The following EXOC6B variants were observed in gnomAD, a reference collection of about 807,000 sequenced individuals.
EXOC6B encodes the protein SEC15 homolog B.
EXOC6B carries 54 observed loss-of-function variants against 113.5 expected under a neutral mutation model. That is an observed-to-expected ratio of 0.48 (90% CI 0.38 to 0.60). The LOEUF is 0.60. EXOC6B is among the 20% of genes least tolerant of loss of function. The pLI is 0.00. For synonymous variants in EXOC6B, 357 were observed against 339.0 expected (o/e 1.05, Z -0.58); for missense variants, 797 against 977.5 (o/e 0.82, Z 2.46).
At chr2:72,599,299 C>A (rs1406386243) in intron 6 of EXOC6B, among the ~76,000 whole-genome samples, 5 of 151,758 alleles carry the variant, frequency 3.3e-5, no homozygotes, top group African/African-American at 9.7e-5. Flanking sequence ...TTAAAAAAGA[C>A]AAAAAAGATC....
intron 5 of EXOC6B, among the ~76,000 whole-genome samples, chr2:72,719,018 G>C (rs895284390): frequency 1.3e-5 from 2 of 152,134 alleles, no homozygotes; most frequent in African/African-American, 4.8e-5. Context: ...ACTATTTCAG[G>C]GTTCTGGAAA....
intron 20 of EXOC6B, among the ~76,000 whole-genome samples, chr2:72,230,091 GA>G (rs532016035): frequency 1.3e-5 from 2 of 150,104 alleles, no homozygotes; most frequent in Middle Eastern, 3.4e-3. Context: ...GTCTCTGTGG[GA>G]AAAAAAAAGG....
chr2:72,420,634 C>G (rs145401984), intron 18 of EXOC6B, among the ~76,000 whole-genome samples: 17 of 152,266 alleles, frequency 1.1e-4, no homozygotes, highest in African/African-American at 4.1e-4. Flanking sequence ...ATCAATCTAT[C>G]ATTGATGGAC....
At chr2:72,480,841 A>G (rs150238124) in intron 16 of EXOC6B, 91 bp from the exon 17 acceptor site, 3 of 1,307,832 alleles carry the variant, frequency 2.3e-6, no homozygotes, top group African/African-American at 3.0e-5. Flanking sequence ...AAACAAATGT[A>G]AGGCATAATG....
intron 2 of EXOC6B, among the ~76,000 whole-genome samples, chr2:72,734,156 A>C (rs1680812348): frequency 2.0e-5 from 3 of 152,242 alleles, no homozygotes; most frequent in African/African-American, 7.2e-5. Flanking sequence ...GTTTTTTAAA[A>C]GAATACACTT....
intron 20 of EXOC6B, among the ~76,000 whole-genome samples, chr2:72,204,041 G>A (rs1679668302): frequency 6.6e-6 from 1 of 151,590 alleles, no homozygotes. Context: ...GCTGTCTTCT[G>A]CTTTCTCTGG....
chr2:72,306,549 T>A (rs1353657116), intron 20 of EXOC6B, among the ~76,000 whole-genome samples: 1 of 152,236 alleles, frequency 6.6e-6, no homozygotes, highest in Non-Finnish European at 1.5e-5. Context: ...TTTGTAATGT[T>A]TCTCATATTT....
At chr2:72,758,032 G>A (rs528046323) in intron 1 of EXOC6B, among the ~76,000 whole-genome samples, 8 of 151,910 alleles carry the variant, frequency 5.3e-5, no homozygotes, top group Non-Finnish European at 1.0e-4. Flanking sequence ...GCATGGTGGT[G>A]TGTGCCTGTG....
chr2:72,552,308 C>G (rs1385875281), intron 8 of EXOC6B, among the ~76,000 whole-genome samples: 1 of 152,156 alleles, frequency 6.6e-6, no homozygotes, highest in African/African-American at 2.4e-5. Flanking sequence ...CAACTGTGAA[C>G]TCCCTTATCC....
chr2:72,436,033 T>TA (rs1458167043), intron 18 of EXOC6B, among the ~76,000 whole-genome samples: 1 of 152,252 alleles, frequency 6.6e-6, no homozygotes, highest in Non-Finnish European at 1.5e-5. Context: ...CAGTGGCTGA[T>TA]ACCGCTTTTT....
intron 6 of EXOC6B, among the ~76,000 whole-genome samples, chr2:72,576,040 C>A (rs1383985324): frequency 6.6e-6 from 1 of 152,060 alleles, no homozygotes; most frequent in African/African-American, 2.4e-5. Flanking sequence ...GAGATTAGTG[C>A]AAACGCCTAG....
At chr2:72,494,743 A>T (rs190119702) in intron 15 of EXOC6B, among the ~76,000 whole-genome samples, 61 of 152,158 alleles carry the variant, frequency 4.0e-4, no homozygotes, top group African/African-American at 1.4e-3. Context: ...TTAATTGTTC[A>T]GCTTCTTAAT....
At chr2:72,612,102 C>T (rs1013988641) in intron 6 of EXOC6B, among the ~76,000 whole-genome samples, 1 of 151,888 alleles carries the variant, frequency 6.6e-6, no homozygotes, top group Non-Finnish European at 1.5e-5. Flanking sequence ...ATGGCAAAAA[C>T]TGTCTCTACT....
rs1240143591 is a variant in EXOC6B, at chr2:72,476,874, G to C, written c.1800+3742C>G. Among the ~76,000 whole-genome samples, 4 of 152,004 alleles carry C rather than the reference G, an allele frequency of 2.6e-5. No homozygotes were observed. In the East Asian group the frequency reaches 5.8e-4, roughly 22 times the overall value. ...GGCTTTATTTTATCATTTAATCTTTGCACATGAAGTTAAAATATCCTTCAC... is the reference window on the plus strand; with the variant it reads ...GGCTTTATTTTATCATTTAATCTTTCCACATGAAGTTAAAATATCCTTCAC... On this transcript the variant is annotated intron_variant, in intron 17 of 21. Coordinates refer to ENST00000272427, the MANE Select transcript of EXOC6B (RefSeq NM_015189.3).
At chr2:72,408,716 T>C (rs977586610) in intron 18 of EXOC6B, among the ~76,000 whole-genome samples, 10 of 152,002 alleles carry the variant, frequency 6.6e-5, no homozygotes, top group South Asian at 2.1e-4. Flanking sequence ...AAAATTAAGT[T>C]AAGATGGATT....
At chr2:72,204,552 AG>A (rs58689827) in intron 20 of EXOC6B, among the ~76,000 whole-genome samples, 33,117 of 148,394 alleles carry the variant, frequency 0.22, 5,194 homozygotes, top group African/African-American at 0.47. Flanking sequence ...GACCAGAAGA[AG>A]AAAAAAAAAA....
intron 20 of EXOC6B, among the ~76,000 whole-genome samples, chr2:72,293,479 T>C (rs1191839652): frequency 6.6e-6 from 1 of 152,160 alleles, no homozygotes; most frequent in African/African-American, 2.4e-5. Flanking sequence ...AAACCATTAA[T>C]GTTTCATTAG....
chr2:72,310,605 T>C (rs1034598915), intron 20 of EXOC6B, among the ~76,000 whole-genome samples: 1 of 152,042 alleles, frequency 6.6e-6, no homozygotes, highest in Non-Finnish European at 1.5e-5. Context: ...TTCTTGATCA[T>C]GGCCTTTGAA....
At chr2:72,450,780 T>C (rs1696864190) in intron 18 of EXOC6B, among the ~76,000 whole-genome samples, 1 of 152,216 alleles carries the variant, frequency 6.6e-6, no homozygotes, top group Non-Finnish European at 1.5e-5. Context: ...AGTCATATCA[T>C]TAGCAGTTGA....
Sources: allele counts gnomAD v4.1 joint callset (sites outside exome capture counted in the v4.1 genomes callset), GRCh38; gene constraint gnomAD v4.1.1; transcripts MANE v1.5; gene names NCBI Gene and HGNC (gene_info 2026-07-23, HGNC 2026-07-21).